GRAMD1A: variants seen among roughly 807,000 people sequenced by gnomAD.
GRAMD1A encodes GRAM domain containing 1A, also known as protein Aster-A.
In GRAMD1A, 50 loss-of-function variants were observed where a neutral mutation model predicts 92.0. The observed-to-expected ratio is 0.54, with a 90% CI of 0.43 to 0.69. GRAMD1A has a LOEUF of 0.69. GRAMD1A is among the 30% of genes least tolerant of loss of function. GRAMD1A has a pLI of 0.00. For missense variants in GRAMD1A, 819 were observed against 978.9 expected (o/e 0.84, Z 2.18); for synonymous variants, 405 against 403.6 (o/e 1.00, Z -0.04).
At chr19:35,018,705 G>T (rs1422308676) in intron 11 of GRAMD1A, among the ~76,000 whole-genome samples, 1 of 152,194 alleles carries the variant, frequency 6.6e-6, no homozygotes, top group African/African-American at 2.4e-5. Context: ...AAGATGGGCT[G>T]AACCAGGAGT....
intron 1 of GRAMD1A, 57 bp from the exon 2 acceptor site, chr19:35,009,062 C>T: frequency 1.7e-6 from 2 of 1,192,752 alleles, no homozygotes; most frequent in Non-Finnish European, 2.5e-6. Flanking sequence ...TAGGCCTGTC[C>T]CCGAATCCCA....
upstream of GRAMD1A, among the ~76,000 whole-genome samples, chr19:34,995,714 G>A (rs796345879): frequency 3.9e-5 from 6 of 151,918 alleles, no homozygotes; most frequent in African/African-American, 9.6e-5. Context: ...CTCCCGAGTA[G>A]CCAGGGCTAT....
intron 1 of GRAMD1A, among the ~76,000 whole-genome samples, chr19:35,006,954 T>C (rs147228880): frequency 2.6e-5 from 4 of 152,248 alleles, no homozygotes; most frequent in Admixed American, 1.3e-4. Flanking sequence ...GCGGAGGGAC[T>C]ACAAATGTGG....
At chr19:35,016,040 C>G in intron 11 of GRAMD1A, 73 bp downstream of exon 11, 3 of 1,501,080 alleles carry the variant, frequency 2.0e-6, no homozygotes, top group South Asian at 2.5e-5. Flanking sequence ...TAGCCCAGGA[C>G]AGGGGAAGGC....
intron 17 of GRAMD1A, 103 bp downstream of exon 17, chr19:35,023,014 C>T (rs1600342493): frequency 1.2e-6 from 1 of 806,784 alleles, no homozygotes; most frequent in Non-Finnish European, 1.9e-6. Context: ...AGGGAGGTGG[C>T]CTGGCATGGC....
Position 35,013,760 on chromosome 19 carries a change from G to A in GRAMD1A, c.870+69G>A, listed in dbSNP as rs2015424089. ...GAGAGGAGGGCTGGGGGTGCAGTGG[G>A]AGAAGAACAGCCTGACAGATTTGGA... is the stretch of plus-strand genomic sequence containing the variant. On this transcript the variant is annotated intron_variant, in intron 9 of 19. Transcript: ENST00000317991. The surrounding 1 kb of genome is among the most constrained non-coding windows in gnomAD (Gnocchi z 4.9). 2 of 1,455,190 alleles carry A rather than the reference G, an allele frequency of 1.4e-6. No homozygotes were observed. Among genetic ancestry groups the A allele is most frequent in the East Asian group, 4.6e-5 (2 of 43,678 alleles). The allele number at this position is 1,455,190 out of a possible 1,614,324, so 90.1% of individuals were successfully genotyped here.
At chr19:35,017,345 A>C (rs2015713245) in intron 11 of GRAMD1A, among the ~76,000 whole-genome samples, 1 of 152,116 alleles carries the variant, frequency 6.6e-6, no homozygotes, top group Admixed American at 6.6e-5. Flanking sequence ...CCTCAGCCTG[A>C]CACGCCAGCC....
At chr19:34,995,871 C>T (rs2014014700), upstream of GRAMD1A, 2 of 641,558 alleles carry the variant, frequency 3.1e-6, no homozygotes, top group African/African-American at 1.8e-5. Flanking sequence ...GCATGAGCCA[C>T]TGCGCCTGGT....
chr19:35,016,903 T>A (rs1600318773), intron 11 of GRAMD1A, among the ~76,000 whole-genome samples: 10 of 53,062 alleles, frequency 1.9e-4, no homozygotes, highest in Admixed American at 6.8e-4. Flanking sequence ...AGACTCTGTC[T>A]CAAAAAAAAA....
chr19:35,017,030 C>T (rs779873028), intron 11 of GRAMD1A, among the ~76,000 whole-genome samples: 2 of 151,512 alleles, frequency 1.3e-5, no homozygotes, highest in Non-Finnish European at 2.9e-5. Context: ...AAAAAATTAG[C>T]TGAGCATGAT....
intron 19 of GRAMD1A, among the ~76,000 whole-genome samples, chr19:35,025,826 T>G (rs1005016218): frequency 2.0e-5 from 3 of 152,162 alleles, no homozygotes; most frequent in African/African-American, 7.2e-5. Context: ...GATTTGAACC[T>G]AGGCCATCGG....
chr19:35,016,601 CAG>C (rs1191198243), intron 11 of GRAMD1A, among the ~76,000 whole-genome samples: 8 of 89,956 alleles, frequency 8.9e-5, no homozygotes, highest in Non-Finnish European at 1.5e-4. Flanking sequence ...CTCAAAAAAA[CAG>C]GGGCGGGGGG....
At chr19:34,997,106 G>C (rs2014067334), upstream of GRAMD1A, among the ~76,000 whole-genome samples, 1 of 151,874 alleles carries the variant, frequency 6.6e-6, no homozygotes, top group Non-Finnish European at 1.5e-5. Context: ...TAGAGACGAG[G>C]TCTGACCATG....
At chr19:35,010,743 C>G (rs762202238) in intron 6 of GRAMD1A, 47 of 521,712 alleles carry the variant, frequency 9.0e-5, no homozygotes, top group Middle Eastern at 4.9e-4. Flanking sequence ...AGCGGTCCAA[C>G]AAGAAGGGGG....
chr19:35,018,448 C>G (rs56034569), intron 11 of GRAMD1A, among the ~76,000 whole-genome samples: 55,868 of 151,990 alleles, frequency 0.37, 10,470 homozygotes, highest in Middle Eastern at 0.48. Flanking sequence ...CCCCCATGAT[C>G]CAAACACCTC....
At chr19:35,024,828 G>C (rs1187384330) in intron 19 of GRAMD1A, 3 of 152,278 alleles carry the variant, frequency 2.0e-5, no homozygotes, top group Non-Finnish European at 4.4e-5. Context: ...TCATTCTGTT[G>C]CCCAGGCTGG....
Position 35,013,487 on chromosome 19 carries a change from G to T in GRAMD1A, c.720-54G>T, listed in dbSNP as rs2015395402. The stretch of plus-strand genomic sequence containing the variant: ...TGTATGACGTCTGGAGGATTCAGGA[G>T]GGTGTATGGGGTCTCAAGGACACAG... On this transcript the variant is annotated intron_variant, in intron 8 of 19. Transcript: ENST00000317991. This position sits in a 1 kb window ranked among gnomAD's most constrained non-coding sequence, Gnocchi z 4.9. The T allele has an allele frequency of 1.9e-6, 3 of 1,566,510 alleles. No individual in the cohort carries two copies. Among genetic ancestry groups the T allele is most frequent in the Non-Finnish European group, 2.6e-6 (3 of 1,145,784 alleles).
In GRAMD1A at chr19:35,009,238, A is replaced by G; in HGVS notation, c.128A>G (p.Lys43Arg). 2 of 1,613,934 alleles carry G rather than the reference A, an allele frequency of 1.2e-6. No individual in the cohort carries two copies. The highest frequency in any genetic ancestry group is 1.7e-6 in the Non-Finnish European group (2 of 1,179,792). Reference sequence around the variant, plus strand: ...CCAGAACCAGGCACCATGGTGGAGAAGGGATCAGATAGCTCCTCAGAGAAG... The same window carrying G: ...CCAGAACCAGGCACCATGGTGGAGAGGGGATCAGATAGCTCCTCAGAGAAG... ...PEPEPGTMVE[K>R]GSDSSSEKGG... is the part of the protein sequence containing the mutation. The change falls in exon 2 of 20, where the codon AAG becomes AGG. Residue 43 changes from lysine to arginine, a missense_variant. Lys to Arg is a conservative substitution (Grantham distance 26, BLOSUM62 2). Transcript: ENST00000317991.
In GRAMD1A at chr19:35,000,533, G is replaced by A; in HGVS notation, c.8+47G>A. The A allele has an allele frequency of 1.6e-6, 2 of 1,226,616 alleles. No individual in the cohort carries two copies. 76.0% of individuals were successfully genotyped at this position (1,226,616 alleles called of 1,614,324 possible). A position where few individuals can be genotyped will look rare whatever the true frequency, so the allele number is the denominator to read the frequency against. On this transcript the variant is annotated intron_variant, in intron 1 of 19. Coordinates refer to ENST00000317991, the MANE Select transcript of GRAMD1A (RefSeq NM_020895.5). This position sits in a 1 kb window ranked among gnomAD's most constrained non-coding sequence, Gnocchi z 4.9. ...CTCAGGGACCGGGCGCGCGGGGGAG[G>A]CCACCGGAGGGAGGGGGCGCCGCGG...
Sources: allele counts gnomAD v4.1 joint callset (sites outside exome capture counted in the v4.1 genomes callset), GRCh38; gene constraint gnomAD v4.1.1; non-coding constraint Gnocchi (gnomAD v3.1); transcripts MANE v1.5; gene names NCBI Gene and HGNC (gene_info 2026-07-23, HGNC 2026-07-21).